SETD5: variants seen among roughly 807,000 people sequenced by gnomAD.
SETD5 encodes histone-lysine N-methyltransferase SETD5.
A neutral mutation model predicts 153.3 loss-of-function variants in SETD5; 44 were observed. That is an observed-to-expected ratio of 0.29 (90% CI 0.23 to 0.37). The LOEUF (loss-of-function observed/expected upper bound fraction) is 0.37. SETD5 is among the 10% of genes least tolerant of loss of function. The pLI is 1.00. For missense variants in SETD5, 1,544 were observed against 1,768.0 expected, an observed-to-expected ratio of 0.87 and a Z score of 2.27; for synonymous variants, 716 against 645.2, an observed-to-expected ratio of 1.11 and a Z score of -1.66.
At chr3:9,461,860 A>G (rs1487200470) in intron 17 of SETD5, among the ~76,000 whole-genome samples, 2 of 152,202 alleles carry the variant, frequency 1.3e-5, no homozygotes, top group African/African-American at 4.8e-5. Flanking sequence ...AGACCCTTGA[A>G]ATATTAAATA....
intron 1 of SETD5, among the ~76,000 whole-genome samples, chr3:9,422,604 C>A (rs2038576089): frequency 6.6e-6 from 1 of 152,060 alleles, no homozygotes; most frequent in Non-Finnish European, 1.5e-5. Flanking sequence ...AGTATTTTAT[C>A]TGAAATTTAA....
chr3:9,430,870 C>T, intron 3 of SETD5: 1 of 985,386 alleles, frequency 1.0e-6, no homozygotes, highest in Non-Finnish European at 1.2e-6. Context: ...CCAACATATC[C>T]TAGGATTTCC....
chr3:9,433,673 A>T (rs1184421795), intron 3 of SETD5, 172 bp from the exon 4 acceptor site: 6 of 847,852 alleles, frequency 7.1e-6, no homozygotes, highest in African/African-American at 3.4e-5. Context: ...TAACACTCCT[A>T]CTGTTATTTA....
chr3:9,462,121 C>G (rs1480788696), intron 17 of SETD5, among the ~76,000 whole-genome samples: 2 of 152,128 alleles, frequency 1.3e-5, no homozygotes, highest in African/African-American at 2.4e-5. Context: ...CCTCATAATT[C>G]TTTGCTAACT....
intron 6 of SETD5, 101 bp from the exon 7 acceptor site, chr3:9,435,627 G>T: frequency 9.2e-7 from 1 of 1,083,578 alleles, no homozygotes; most frequent in Non-Finnish European, 1.3e-6. Flanking sequence ...AATAGTGGAA[G>T]TAATGGCTTA....
chr3:9,457,480 C>G (rs1487103805), intron 17 of SETD5, among the ~76,000 whole-genome samples: 6 of 151,462 alleles, frequency 4.0e-5, no homozygotes, highest in African/African-American at 1.2e-4. Flanking sequence ...GAGTGAGACT[C>G]TGTCTCAAAA....
chr3:9,467,491 C>T (rs919991598), intron 18 of SETD5, among the ~76,000 whole-genome samples: 1 of 152,080 alleles, frequency 6.6e-6, no homozygotes, highest in African/African-American at 2.4e-5. Context: ...CCATTTCACA[C>T]ATACGTGCAC....
chr3:9,464,869 A>C lies in SETD5; in HGVS notation c.2724+197A>C. The C allele has an allele frequency of 7.3e-6, 5 of 682,308 alleles. No homozygotes were observed. In the South Asian group the frequency reaches 7.4e-5, roughly 10 times the overall value. 42.3% of individuals were successfully genotyped at this position (682,308 alleles called of 1,614,324 possible). A position where few individuals can be genotyped will look rare whatever the true frequency, so the allele number is the denominator to read the frequency against. ...CTTGGCAGCCCCTATGCTTCCCAAA[A>C]TAGGCATACTGCTACCACAAATCCC... On this transcript the variant is annotated intron_variant, in intron 18 of 22. Coordinates refer to ENST00000402198, the MANE Select transcript of SETD5 (RefSeq NM_001080517.3).
chr3:9,417,483 C>CTTT (rs397874333), intron 1 of SETD5, among the ~76,000 whole-genome samples: 1 of 144,006 alleles, frequency 6.9e-6, no homozygotes, highest in Admixed American at 6.9e-5. Context: ...ATAGATAAGT[C>CTTT]TTTTTTTTTT....
chr3:9,440,821 A>C, intron 8 of SETD5, 123 bp downstream of exon 8: 1 of 1,278,102 alleles, frequency 7.8e-7, no homozygotes. Context: ...CAGATTAGCC[A>C]GGTGTTGATC....
At chr3:9,449,814 G>T (rs2042417792) in intron 16 of SETD5, among the ~76,000 whole-genome samples, 1 of 152,100 alleles carries the variant, frequency 6.6e-6, no homozygotes, top group African/African-American at 2.4e-5. Context: ...CCTAAACATT[G>T]GAATCACTCA....
intron 18 of SETD5, chr3:9,464,930 C>T: frequency 3.9e-6 from 2 of 516,756 alleles, no homozygotes; most frequent in South Asian, 2.1e-5. Flanking sequence ...CATCAATCTC[C>T]ATAAGTTTAG....
chr3:9,402,208 G>A (rs931357354), intron 1 of SETD5, among the ~76,000 whole-genome samples: 3 of 152,152 alleles, frequency 2.0e-5, no homozygotes, highest in Non-Finnish European at 4.4e-5. Context: ...GTAACTTTGG[G>A]GGGAGGTGCT....
At chr3:9,464,032 G>A (rs980123462) in intron 17 of SETD5, among the ~76,000 whole-genome samples, 6 of 152,206 alleles carry the variant, frequency 3.9e-5, no homozygotes, top group African/African-American at 1.4e-4. Flanking sequence ...GGAGGCTGAG[G>A]CAGGTGAATC....
rs2044328110 is a variant in SETD5, at chr3:9,464,466, A to C, written c.2518A>C (p.Met840Leu). ...PLKKWKSRYL[M>L]EQNVTKLLRP... ...AAAGAAATGGAAGTCTCGCTATCTG[A>C]TGGAGCAGAATGTCACCAAGTTACT... Residue 840 changes from methionine to leucine, a missense_variant, in exon 18 of 23, where the codon ATG becomes CTG. By Grantham distance (15) the Met-to-Leu change is conservative. This residue lies in a region of SETD5 where 782 missense variants were observed against 787.2 expected (regional missense o/e 0.99). Coordinates refer to ENST00000402198, the MANE Select transcript of SETD5 (RefSeq NM_001080517.3). 3.1e-6 allele frequency: 5 copies of C among 1,613,638 alleles called. No individual in the cohort carries two copies. The highest frequency in any genetic ancestry group is 4.2e-6 in the Non-Finnish European group (5 of 1,179,576).
Position 9,415,829 on chromosome 3 carries a change from G to A in SETD5, c.-176-8638G>A, listed in dbSNP as rs371536593. On this transcript the variant is annotated intron_variant, in intron 1 of 22. Coordinates refer to ENST00000402198, the MANE Select transcript of SETD5 (RefSeq NM_001080517.3). ...TTCTCCTAAGTCAGCCTCCCAAAGC[G>A]CTAGGATACAGGTGTGAGCCACCCT... Among the ~76,000 whole-genome samples, 384 of 149,920 alleles carry A rather than the reference G, an allele frequency of 2.6e-3. 2 individuals carry two copies. Among genetic ancestry groups the A allele is most frequent in the African/African-American group, 8.9e-3 (365 of 40,882 alleles).
At chr3:9,417,942 G>GT (rs777339095) in intron 1 of SETD5, among the ~76,000 whole-genome samples, 20,280 of 128,706 alleles carry the variant, frequency 0.16, 1,920 homozygotes, top group Non-Finnish European at 0.21. Context: ...CAAGAGTTTT[G>GT]TTTTTTTTTT....
chr3:9,407,542 C>T (rs553063023), intron 1 of SETD5, among the ~76,000 whole-genome samples: 3 of 152,176 alleles, frequency 2.0e-5, no homozygotes, highest in South Asian at 2.1e-4. Context: ...ATAAACATAT[C>T]CCACTTCATG....
intron 1 of SETD5, among the ~76,000 whole-genome samples, chr3:9,417,724 A>G (rs1289895797): frequency 6.6e-6 from 1 of 151,076 alleles, no homozygotes; most frequent in Non-Finnish European, 1.5e-5. Context: ...TGACCTCGTG[A>G]TCCGCCCGCC....
Sources: allele counts gnomAD v4.1 joint callset (sites outside exome capture counted in the v4.1 genomes callset), GRCh38; gene constraint gnomAD v4.1.1; regional missense constraint gnomAD v4.1.1; transcripts MANE v1.5; gene names NCBI Gene and HGNC (gene_info 2026-07-23, HGNC 2026-07-21).